Variants in ENTHD1 observed in about 807,000 individuals in gnomAD.
ENTHD1 encodes the protein ENTH domain containing 1, also known as ENTH domain-containing protein 1.
Under a neutral mutation model 39.1 loss-of-function variants are expected in ENTHD1, and 23 were observed. The ratio of observed to expected loss-of-function variants is 0.59; its 90% CI spans 0.42 to 0.83. The LOEUF is 0.83. Ranked by LOEUF, ENTHD1 falls within the 40% of genes least tolerant of loss-of-function variation. ENTHD1 has a pLI of 0.00. For synonymous variants in ENTHD1, 230 were observed against 258.2 expected (o/e 0.89, Z 1.05); for missense variants, 624 against 705.4 (o/e 0.88, Z 1.31).
At chr22:39,878,052 G>T (rs1357824254) in intron 2 of ENTHD1, among the ~76,000 whole-genome samples, 1 of 152,196 alleles carries the variant, frequency 6.6e-6, no homozygotes, top group African/African-American at 2.4e-5. Flanking sequence ...GGCTCTAACA[G>T]ATAATGTGGA....
chr22:39,893,484 A>G (rs1247938974), intron 1 of ENTHD1: 2 of 152,224 alleles, frequency 1.3e-5, no homozygotes, highest in Non-Finnish European at 2.9e-5. Flanking sequence ...GGAAGGCTGG[A>G]CCTCAGGAAA....
chr22:39,873,926 A>G (rs764437568), intron 2 of ENTHD1, among the ~76,000 whole-genome samples: 1 of 152,256 alleles, frequency 6.6e-6, no homozygotes, highest in Non-Finnish European at 1.5e-5. Flanking sequence ...TGATAAAGAC[A>G]TATCAAAGAC....
chr22:39,813,992 G>A (rs528813932), intron 5 of ENTHD1, among the ~76,000 whole-genome samples: 53 of 151,918 alleles, frequency 3.5e-4, no homozygotes, highest in Admixed American at 2.9e-3. Context: ...TAAACCTAAC[G>A]AAAGATATAC....
intron 1 of ENTHD1, among the ~76,000 whole-genome samples, chr22:39,891,606 T>C (rs951648785): frequency 2.1e-4 from 32 of 151,190 alleles, no homozygotes; most frequent in African/African-American, 7.5e-4. Flanking sequence ...CAAGCCTAAC[T>C]AATTAAAAAA....
chr22:39,837,138 A>G (rs947882710), intron 3 of ENTHD1, among the ~76,000 whole-genome samples: 8 of 152,214 alleles, frequency 5.3e-5, no homozygotes, highest in African/African-American at 1.7e-4. Flanking sequence ...TAAAAAGTCT[A>G]ATCTGAAAGT....
At chr22:39,828,987 C>G (rs1009501633) in intron 4 of ENTHD1, among the ~76,000 whole-genome samples, 1 of 152,148 alleles carries the variant, frequency 6.6e-6, no homozygotes, top group Non-Finnish European at 1.5e-5. Context: ...TTTCTACTTA[C>G]ATTTTTAAGA....
intron 3 of ENTHD1, among the ~76,000 whole-genome samples, chr22:39,836,852 A>G (rs2065910813): frequency 6.6e-6 from 1 of 152,142 alleles, no homozygotes; most frequent in South Asian, 2.1e-4. Flanking sequence ...CATGTAGGAC[A>G]TTCTTGCTTC....
At position 39,834,772 on chromosome 22, in the gene ENTHD1, A is replaced by G. The variant is rs531222099; in HGVS notation, c.711+1068T>C. On this transcript the variant is annotated intron_variant, in intron 4 of 6. Coordinates refer to ENST00000325157, the MANE Select transcript of ENTHD1 (RefSeq NM_152512.4). ...TGAACAAAATCTGGTATATCCTGAC[A>G]GTGGAACATACTCAGCAACAAAAAG... Among the ~76,000 whole-genome samples the G allele has an allele frequency of 3.3e-5, 5 of 152,350 alleles. No individual in the cohort carries two copies. The South Asian group carries it at 6.2e-4, about 19-fold the overall frequency.
At chr22:39,798,260 T>G (rs1460940014) in intron 5 of ENTHD1, among the ~76,000 whole-genome samples, 1 of 152,098 alleles carries the variant, frequency 6.6e-6, no homozygotes, top group Non-Finnish European at 1.5e-5. Context: ...TTTATTTTAT[T>G]CATTGGATTT....
In ENTHD1 at chr22:39,875,971, T is replaced by G. The variant is rs1601662521; in HGVS notation, c.349+11429A>C. The G allele has an allele frequency of 5.6e-6, 9 of 1,613,982 alleles. No homozygotes were observed. In the South Asian group the frequency reaches 7.7e-5, roughly 14 times the overall value. On this transcript the variant is annotated intron_variant, in intron 2 of 6. Coordinates refer to ENST00000325157, the MANE Select transcript of ENTHD1 (RefSeq NM_152512.4). Reference sequence around the variant, plus strand: ...ATCTTGGTTGTGTACCCATTGCAAATGCAGGAGATTTTGGTGGTTATTACT... The same window carrying G: ...ATCTTGGTTGTGTACCCATTGCAAAGGCAGGAGATTTTGGTGGTTATTACT...
intron 3 of ENTHD1, among the ~76,000 whole-genome samples, chr22:39,847,360 G>T (rs995089682): frequency 3.3e-5 from 4 of 120,106 alleles, no homozygotes; most frequent in Non-Finnish European, 6.8e-5. Context: ...TCACACTCTG[G>T]GGACTGTTGT....
intron 2 of ENTHD1, 49 bp from the exon 3 acceptor site, chr22:39,862,056 T>C: frequency 7.5e-7 from 1 of 1,327,240 alleles, no homozygotes; most frequent in Middle Eastern, 2.7e-4. Context: ...TAGTTAAGGC[T>C]ATAATTAATT....
In ENTHD1 at chr22:39,792,199, C is replaced by T. The variant is rs1321473567; in HGVS notation, c.833-26590G>A. Among the ~76,000 whole-genome samples the T allele has an allele frequency of 2.0e-5, 3 of 152,056 alleles. No homozygotes were observed. The South Asian group carries it at 6.2e-4, about 31-fold the overall frequency. ...TGTGAATAGTGCTGCAATGAACATA[C>T]GTGTACATGTGTCTTTATGGCAGGA... On this transcript the variant is annotated intron_variant, in intron 5 of 6. Transcript: ENST00000325157.
chr22:39,809,074 T>C (rs2065665742), intron 5 of ENTHD1, among the ~76,000 whole-genome samples: 1 of 152,200 alleles, frequency 6.6e-6, no homozygotes, highest in Non-Finnish European at 1.5e-5. Flanking sequence ...TGATGATTGA[T>C]ATAAAGACAC....
At chr22:39,784,543 TACACACAC>T (rs3044403) in intron 5 of ENTHD1, among the ~76,000 whole-genome samples, 59 of 142,356 alleles carry the variant, frequency 4.1e-4, no homozygotes, top group African/African-American at 1.2e-3. Flanking sequence ...TCTCTCTGTA[TACACACAC>T]ACACACACAC....
intron 2 of ENTHD1, among the ~76,000 whole-genome samples, chr22:39,887,052 C>T (rs1285255015): frequency 6.6e-6 from 1 of 151,910 alleles, no homozygotes; most frequent in East Asian, 1.9e-4. Context: ...TTCTCTAAGG[C>T]ACTGAAGACT....
chr22:39,847,796 T>C (rs1304857440), intron 3 of ENTHD1, among the ~76,000 whole-genome samples: 1 of 152,192 alleles, frequency 6.6e-6, no homozygotes, highest in Non-Finnish European at 1.5e-5. Flanking sequence ...GTTTTATTAG[T>C]TTTCTAATGG....
At chr22:39,870,470 C>T (rs756593171) in intron 2 of ENTHD1, among the ~76,000 whole-genome samples, 5 of 152,022 alleles carry the variant, frequency 3.3e-5, no homozygotes, top group Non-Finnish European at 7.4e-5. Flanking sequence ...AAGCAATATT[C>T]AGAGACAAGA....
chr22:39,761,775 A>G (rs2065235069), intron 6 of ENTHD1, among the ~76,000 whole-genome samples: 1 of 151,994 alleles, frequency 6.6e-6, no homozygotes, highest in Non-Finnish European at 1.5e-5. Context: ...ACTTCCATTT[A>G]ATTCCTTTTT....
Sources: allele counts gnomAD v4.1 joint callset (sites outside exome capture counted in the v4.1 genomes callset), GRCh38; gene constraint gnomAD v4.1.1; transcripts MANE v1.5; gene names NCBI Gene and HGNC (gene_info 2026-07-23, HGNC 2026-07-21).